VTI1A: variants seen among roughly 807,000 people sequenced by gnomAD.
VTI1A encodes vesicle transport through interaction with t-SNAREs 1A.
VTI1A carries 22 observed loss-of-function variants against 34.9 expected under a neutral mutation model. That is an observed-to-expected ratio of 0.63 (90% confidence interval 0.45 to 0.90). VTI1A has a LOEUF of 0.90. Among genes scored for constraint, VTI1A ranks in the 40% least tolerant of loss-of-function variants. The pLI, the probability that VTI1A is intolerant of heterozygous loss-of-function variation, is 0.00. For synonymous variants in VTI1A, 87 were observed against 97.3 expected (o/e 0.89, Z 0.62); for missense variants, 268 against 275.6 (o/e 0.97, Z 0.20).
chr10:112,453,374 T>A (rs993677935), intron 1 of VTI1A, among the ~76,000 whole-genome samples: 1 of 152,206 alleles, frequency 6.6e-6, no homozygotes, highest in African/African-American at 2.4e-5. Context: ...AAATCATATA[T>A]GCATAGCCTA....
intron 1 of VTI1A, among the ~76,000 whole-genome samples, chr10:112,451,095 A>G (rs942810253): frequency 6.6e-6 from 1 of 152,238 alleles, no homozygotes; most frequent in Middle Eastern, 3.2e-3. Context: ...AATTGTACCA[A>G]GAAAGTATTA....
the VTI1A span, among the ~76,000 whole-genome samples, chr10:112,855,238 G>T: frequency 6.6e-6 from 1 of 152,058 alleles, no homozygotes; most frequent in Non-Finnish European, 1.5e-5. Context: ...GCCCTTTCTG[G>T]CAAGATTAGT....
chr10:112,669,136 A>C, intron 7 of VTI1A, 138 bp downstream of exon 7: 1 of 896,122 alleles, frequency 1.1e-6, no homozygotes. Context: ...ATTTGAAATA[A>C]CAGAGCACTG....
chr10:112,788,645 G>A (rs1203657222), intron 7 of VTI1A, among the ~76,000 whole-genome samples: 2 of 152,044 alleles, frequency 1.3e-5, no homozygotes, highest in Non-Finnish European at 2.9e-5. Context: ...TTAACATTTA[G>A]TCCATTAACA....
intron 5 of VTI1A, among the ~76,000 whole-genome samples, chr10:112,650,123 T>A (rs2133798791): frequency 6.6e-6 from 1 of 152,390 alleles, no homozygotes; most frequent in Non-Finnish European, 1.5e-5. Context: ...AATTGTTTGA[T>A]TCTTTCGTAA....
intron 7 of VTI1A, among the ~76,000 whole-genome samples, chr10:112,789,424 G>T (rs1336382645): frequency 6.6e-6 from 1 of 152,010 alleles, no homozygotes; most frequent in Non-Finnish European, 1.5e-5. Flanking sequence ...AATCATATTT[G>T]TTATTTGCCT....
rs184606623 is a variant in VTI1A at position 112,662,987 on chromosome 10, C to T, written c.428-5231C>T. ...AATGTTTGAGCTGGAGTTGGTTGAT[C>T]TGCAGTTGCAGATATTTTTGGGTTC... On this transcript the variant is annotated intron_variant, in intron 5 of 7. Transcript: ENST00000393077. Among the ~76,000 whole-genome samples the T allele has an allele frequency of 1.4e-4, 22 of 152,286 alleles. No homozygotes were observed. The East Asian group carries it at 4.3e-3, about 29-fold the overall frequency.
intron 5 of VTI1A, among the ~76,000 whole-genome samples, chr10:112,647,336 T>C (rs1167416896): frequency 6.6e-6 from 1 of 152,186 alleles, no homozygotes; most frequent in African/African-American, 2.4e-5. Context: ...GGGAAGATTG[T>C]TCAGGTGCAA....
chr10:112,511,681 C>A (rs888595291), intron 3 of VTI1A, among the ~76,000 whole-genome samples: 1 of 152,048 alleles, frequency 6.6e-6, no homozygotes, highest in African/African-American at 2.4e-5. Context: ...ATGTTTGCAC[C>A]CTTTAACCTG....
At chr10:112,662,738 C>G (rs1286118132) in intron 5 of VTI1A, among the ~76,000 whole-genome samples, 1 of 151,950 alleles carries the variant, frequency 6.6e-6, no homozygotes, top group Non-Finnish European at 1.5e-5. Context: ...TAAAAAAGAA[C>G]AAGGGAATCT....
chr10:112,550,371 T>G (rs1474372535), intron 5 of VTI1A, among the ~76,000 whole-genome samples: 1 of 150,576 alleles, frequency 6.6e-6, no homozygotes. Context: ...TTTTTAACAG[T>G]GTTTATGTAT....
intron 5 of VTI1A, among the ~76,000 whole-genome samples, chr10:112,568,479 C>A (rs943922041): frequency 5.3e-5 from 8 of 151,774 alleles, no homozygotes; most frequent in African/African-American, 1.9e-4. Context: ...TGCACTACAG[C>A]CTGGGCAAAA....
intron 7 of VTI1A, among the ~76,000 whole-genome samples, chr10:112,810,783 C>T (rs916845798): frequency 6.6e-6 from 1 of 152,178 alleles, no homozygotes; most frequent in Non-Finnish European, 1.5e-5. Context: ...ACACAGGAAG[C>T]GGATGCCTGG....
At chr10:112,831,858 T>G in the VTI1A span, 1 of 152,308 alleles carries the variant, frequency 6.6e-6, no homozygotes, top group East Asian at 1.9e-4. Flanking sequence ...GAATATTACC[T>G]TTTACTAAGA....
At chr10:112,533,477 C>G in intron 4 of VTI1A, 1 of 991,436 alleles carries the variant, frequency 1.0e-6, no homozygotes, top group Non-Finnish European at 1.2e-6. Flanking sequence ...ACTGATCTTT[C>G]TTTCCTGCCA....
intron 7 of VTI1A, among the ~76,000 whole-genome samples, chr10:112,706,500 C>A (rs1462787190): frequency 6.6e-6 from 1 of 152,158 alleles, no homozygotes; most frequent in Non-Finnish European, 1.5e-5. Context: ...CTACTTCGGT[C>A]TCTGTACTCT....
intron 3 of VTI1A, among the ~76,000 whole-genome samples, chr10:112,513,218 A>G (rs528710754): frequency 7.2e-5 from 11 of 151,996 alleles, no homozygotes; most frequent in Non-Finnish European, 1.5e-4. Flanking sequence ...TTCTTTCATC[A>G]GTATTTTATA....
At chr10:112,631,651 A>G (rs1846134344) in intron 5 of VTI1A, among the ~76,000 whole-genome samples, 2 of 152,194 alleles carry the variant, frequency 1.3e-5, no homozygotes, top group Non-Finnish European at 2.9e-5. Flanking sequence ...TAGCTCTGCT[A>G]TTAACTCCCT....
chr10:112,694,237 T>C (rs1056132072), intron 7 of VTI1A, among the ~76,000 whole-genome samples: 2 of 152,032 alleles, frequency 1.3e-5, no homozygotes, highest in Non-Finnish European at 2.9e-5. Context: ...TGTTTTAATC[T>C]GGACTGCCCT....
Sources: allele counts gnomAD v4.1 joint callset (sites outside exome capture counted in the v4.1 genomes callset), GRCh38; gene constraint gnomAD v4.1.1; transcripts MANE v1.5; gene names NCBI Gene and HGNC (gene_info 2026-07-23, HGNC 2026-07-21).